The following REEP1 variants were observed in gnomAD, a reference collection of about 807,000 sequenced individuals.
REEP1 encodes the protein receptor expression-enhancing protein 1.
In REEP1, 22 loss-of-function variants were observed where a neutral mutation model predicts 40.3. The ratio of observed to expected loss-of-function variants is 0.55; its 90% CI spans 0.39 to 0.78. The LOEUF (loss-of-function observed/expected upper bound fraction) is 0.78. REEP1 is among the 30% of genes least tolerant of loss of function. The pLI, the probability that REEP1 is intolerant of heterozygous loss-of-function variation, is 0.00. For missense variants in REEP1, 280 were observed against 361.1 expected, an observed-to-expected ratio of 0.78 and a Z score of 1.82; for synonymous variants, 116 against 139.2, an observed-to-expected ratio of 0.83 and a Z score of 1.17.
chr2:86,301,793 T>C (rs1417896741), intron 1 of REEP1, among the ~76,000 whole-genome samples: 1 of 152,218 alleles, frequency 6.6e-6, no homozygotes, highest in African/African-American at 2.4e-5. Context: ...AGCGAGAGTA[T>C]ACTTAACACT....
chr2:86,250,899 C>T (rs7569654), intron 5 of REEP1, among the ~76,000 whole-genome samples: 55,021 of 152,054 alleles, frequency 0.36, 12,017 homozygotes, highest in East Asian at 0.59. Context: ...AACTGGCTCT[C>T]AGCACCCTCC....
intron 1 of REEP1, among the ~76,000 whole-genome samples, chr2:86,331,394 T>A (rs1680754408): frequency 6.6e-6 from 1 of 151,820 alleles, no homozygotes; most frequent in African/African-American, 2.4e-5. Context: ...CAGAAGGGAA[T>A]GGAAAACTAG....
At chr2:86,240,326 T>C (rs993001946) in intron 5 of REEP1, among the ~76,000 whole-genome samples, 1 of 152,166 alleles carries the variant, frequency 6.6e-6, no homozygotes, top group Non-Finnish European at 1.5e-5. Context: ...GACACAAAAG[T>C]GCATGCCAGG....
In REEP1 at chr2:86,282,223, A is replaced by T. The variant is rs1165498276; in HGVS notation, c.52T>A (p.Tyr18Asn). The change falls in exon 2 of 9, where the codon TAC (tyrosine) becomes AAC (asparagine). Residue 18 changes from tyrosine (Y) to asparagine (N), a missense_variant. Around this residue, in one of 3 missense-constraint regions of REEP1, gnomAD observed 68 missense variants for 83.7 expected, o/e 0.81. Coordinates refer to ENST00000538924, the MANE Select transcript of REEP1 (RefSeq NM_001371279.1). ...GCCTTGTAGGAATAATACGCAGGGT[A>T]AAGGGTGCCAAATATAAGCCTGGAG... The part of the protein sequence containing the change: ...RLVVLIFGTL[Y>N]PAYYSYKAVK... 6.2e-7 allele frequency: 1 copy of T among 1,607,860 alleles called. No homozygotes were observed. The highest frequency in any genetic ancestry group is 1.3e-5 in the African/African-American group (1 of 74,806).
At chr2:86,320,113 C>A (rs1488927136) in intron 1 of REEP1, among the ~76,000 whole-genome samples, 1 of 152,160 alleles carries the variant, frequency 6.6e-6, no homozygotes, top group Non-Finnish European at 1.5e-5. Flanking sequence ...CAAAGCACTA[C>A]AACATCAGTA....
At chr2:86,219,451 C>CT (rs11350191) in intron 8 of REEP1, among the ~76,000 whole-genome samples, 6,101 of 129,924 alleles carry the variant, frequency 0.047, 387 homozygotes, top group African/African-American at 0.14. Flanking sequence ...TTTTTCTTTT[C>CT]TTTTTTTTTT....
At chr2:86,279,886 G>GT in intron 2 of REEP1, 1 of 450,076 alleles carries the variant, frequency 2.2e-6, no homozygotes, top group African/African-American at 2.0e-5. Flanking sequence ...TAGTACACAG[G>GT]TGTTTTAAGC....
chr2:86,267,015 A>C (rs1677184106), intron 2 of REEP1, among the ~76,000 whole-genome samples: 1 of 150,800 alleles, frequency 6.6e-6, no homozygotes, highest in Non-Finnish European at 1.5e-5. Flanking sequence ...TCAGGGGAAA[A>C]AAAAAACAAA....
intron 1 of REEP1, among the ~76,000 whole-genome samples, chr2:86,331,539 C>T (rs1235736689): frequency 6.7e-6 from 1 of 150,350 alleles, no homozygotes; most frequent in African/African-American, 2.4e-5. Context: ...GGTGGGGGGG[C>T]GGGGAATGTA....
chr2:86,303,746 G>A (rs957473864), intron 1 of REEP1, among the ~76,000 whole-genome samples: 1 of 152,188 alleles, frequency 6.6e-6, no homozygotes, highest in African/African-American at 2.4e-5. Context: ...GATTTGGTAG[G>A]TTCTGGAAGA....
At chr2:86,226,468 C>CTT (rs745419771) in intron 7 of REEP1, among the ~76,000 whole-genome samples, 5 of 24,844 alleles carry the variant, frequency 2.0e-4, no homozygotes, top group African/African-American at 3.5e-4. Context: ...TTTTTCTTTT[C>CTT]TTTTTTTTTT....
rs186860507 is a variant in REEP1, at chr2:86,295,741, G to T, written c.33-13499C>A. On this transcript the variant is annotated intron_variant, in intron 1 of 8. Coordinates refer to ENST00000538924, the MANE Select transcript of REEP1 (RefSeq NM_001371279.1). ...TTTTTAGTAGAGACGGGGTTTCACC[G>T]TGTTAGCCAGGATGGTCTCGATCTC... is the stretch of plus-strand genomic sequence containing the variant. Among the ~76,000 whole-genome samples the T allele has an allele frequency of 1.1e-3, 165 of 152,202 alleles. 1 individual carries two copies. Among genetic ancestry groups the T allele is most frequent in the Middle Eastern group, 0.01 (3 of 294 alleles).
At chr2:86,239,945 T>G (rs533304933) in intron 5 of REEP1, 4 of 152,530 alleles carry the variant, frequency 2.6e-5, no homozygotes, top group Non-Finnish European at 4.4e-5. Context: ...CACGTGCTGG[T>G]GAGCAGAGCC....
chr2:86,317,576 A>G (rs1573042488), intron 1 of REEP1, among the ~76,000 whole-genome samples: 1 of 152,248 alleles, frequency 6.6e-6, no homozygotes, highest in African/African-American at 2.4e-5. Context: ...GAAAGGTAAA[A>G]CTGCCGCTAG....
chr2:86,273,140 C>CAAA (rs35100792), intron 2 of REEP1, among the ~76,000 whole-genome samples: 9,571 of 144,576 alleles, frequency 0.066, 499 homozygotes, highest in African/African-American at 0.13. Flanking sequence ...GACCCTGTCT[C>CAAA]AAAAAAAAAA....
intron 1 of REEP1, among the ~76,000 whole-genome samples, chr2:86,310,727 C>CTCTG (rs1466939833): frequency 4.6e-5 from 7 of 151,850 alleles, no homozygotes; most frequent in East Asian, 1.9e-4. Flanking sequence ...CTCTCTCTCT[C>CTCTG]TGTGTATGTG....
chr2:86,314,380 G>T (rs1679897987), intron 1 of REEP1, among the ~76,000 whole-genome samples: 1 of 152,114 alleles, frequency 6.6e-6, no homozygotes, highest in South Asian at 2.1e-4. Context: ...TCTCACCCTG[G>T]AAGGCACTGC....
At chr2:86,302,380 T>C (rs2104459824) in intron 1 of REEP1, among the ~76,000 whole-genome samples, 1 of 152,326 alleles carries the variant, frequency 6.6e-6, no homozygotes, top group East Asian at 1.9e-4. Flanking sequence ...TGCTTCTATC[T>C]CTTTAAAGAA....
In REEP1 at chr2:86,216,843, G is replaced by T; in HGVS notation, c.*196C>A. The T allele has an allele frequency of 2.1e-5, 11 of 525,904 alleles. No individual in the cohort carries two copies. The highest frequency in any genetic ancestry group is 3.3e-5 in the East Asian group (1 of 30,030). 32.6% of individuals were successfully genotyped at this position (525,904 alleles called of 1,614,324 possible). A position where few individuals can be genotyped will look rare whatever the true frequency, so the allele number is the denominator to read the frequency against. ...CCCGCCCCTACTACCTTTCCCTTTA[G>T]CCTCTCCCCAGCAAAATAAAGAAAA... On this transcript the variant is annotated 3_prime_UTR_variant, in exon 9 of 9. Coordinates refer to ENST00000538924, the MANE Select transcript of REEP1 (RefSeq NM_001371279.1).
Sources: allele counts gnomAD v4.1 joint callset (sites outside exome capture counted in the v4.1 genomes callset), GRCh38; gene constraint gnomAD v4.1.1; regional missense constraint gnomAD v4.1.1; transcripts MANE v1.5; gene names NCBI Gene and HGNC (gene_info 2026-07-23, HGNC 2026-07-21).